Variants in SIL1 observed in about 807,000 individuals in gnomAD.
SIL1 encodes nucleotide exchange factor SIL1.
A neutral mutation model predicts 49.1 loss-of-function variants in SIL1; 40 were observed. The observed-to-expected ratio is 0.81, with a 90% confidence interval of 0.63 to 1.06. The LOEUF is 1.06. SIL1 is among the 50% of genes least tolerant of loss of function. The probability of loss-of-function intolerance (pLI) is 0.00; values close to 1 mark genes in which losing one functional copy is unlikely to be tolerated. For synonymous variants in SIL1, 253 were observed against 250.8 expected (o/e 1.01, Z -0.08); for missense variants, 500 against 572.6 (o/e 0.87, Z 1.29).
intron 1 of SIL1, among the ~76,000 whole-genome samples, chr5:139,136,201 A>G (rs1316563227): frequency 6.6e-6 from 1 of 152,232 alleles, no homozygotes; most frequent in African/African-American, 2.4e-5. Context: ...TTAAGGCTCA[A>G]TCTTTATTTG....
chr5:139,182,014 G>T (rs766988257), intron 1 of SIL1, among the ~76,000 whole-genome samples: 1 of 152,138 alleles, frequency 6.6e-6, no homozygotes, highest in Admixed American at 6.6e-5. Context: ...AGAGAAGGGG[G>T]TGGAAGGTTA....
intron 7 of SIL1, among the ~76,000 whole-genome samples, chr5:138,987,217 C>T (rs1281636508): frequency 6.6e-6 from 1 of 151,396 alleles, no homozygotes; most frequent in Middle Eastern, 3.4e-3. Flanking sequence ...TTAAGTGATC[C>T]TCCCACCTCA....
chr5:139,123,041 C>A (rs1750678437), intron 2 of SIL1, among the ~76,000 whole-genome samples: 1 of 152,132 alleles, frequency 6.6e-6, no homozygotes, highest in Admixed American at 6.5e-5. Flanking sequence ...ACATTGTAAA[C>A]CACTGGCTTT....
chr5:139,060,253 T>C (rs901055096), intron 3 of SIL1, among the ~76,000 whole-genome samples: 1 of 152,208 alleles, frequency 6.6e-6, no homozygotes, highest in Non-Finnish European at 1.5e-5. Context: ...AAGAACAGTG[T>C]TCTGTTCTCT....
intron 7 of SIL1, among the ~76,000 whole-genome samples, chr5:139,011,272 C>T (rs557461115): frequency 0.018 from 2,809 of 152,118 alleles, 41 homozygotes; most frequent in Middle Eastern, 0.034. Flanking sequence ...AGGGAACTCC[C>T]TGACCCCTTG....
At chr5:139,196,179 G>A (rs2151825623) in intron 1 of SIL1, among the ~76,000 whole-genome samples, 1 of 152,190 alleles carries the variant, frequency 6.6e-6, no homozygotes. Flanking sequence ...CACAGTGTGA[G>A]ACCCCATCTG....
intron 7 of SIL1, among the ~76,000 whole-genome samples, chr5:138,969,850 C>T (rs567759370): frequency 6.6e-6 from 1 of 152,356 alleles, no homozygotes; most frequent in South Asian, 2.1e-4. Flanking sequence ...GGCCTTGCAG[C>T]TGGCACGAGC....
chr5:139,163,275 G>A (rs1292242648), intron 1 of SIL1, among the ~76,000 whole-genome samples: 1 of 152,148 alleles, frequency 6.6e-6, no homozygotes, highest in African/African-American at 2.4e-5. Context: ...CTGATTCCAA[G>A]ATGGAAACTG....
intron 7 of SIL1, among the ~76,000 whole-genome samples, chr5:138,982,263 G>A (rs1323829273): frequency 2.0e-5 from 3 of 152,286 alleles, no homozygotes; most frequent in African/African-American, 7.2e-5. Flanking sequence ...TGTTTGCCAT[G>A]GGCAACAAAC....
intron 6 of SIL1, among the ~76,000 whole-genome samples, chr5:139,026,475 C>T (rs1768652192): frequency 6.6e-6 from 1 of 152,056 alleles, no homozygotes; most frequent in African/African-American, 2.4e-5. Context: ...TGGTGGTGCA[C>T]ACCTGTAATC....
Position 139,046,992 on chromosome 5 carries a change from C to T in SIL1, c.353+3946G>A, listed in dbSNP as rs369302693. On this transcript the variant is annotated intron_variant, in intron 4 of 9. Transcript: ENST00000394817. ...CTTGTGGAGGCTGTTTTGTTTATTA[C>T]TGTATCCCAATGCCTGGCACGTGGG... is the stretch of plus-strand genomic sequence containing the variant. Among the ~76,000 whole-genome samples the T allele has an allele frequency of 2.6e-4, 40 of 152,308 alleles. No homozygotes were observed. The South Asian group carries it at 4.8e-3, about 18-fold the overall frequency.
chr5:139,080,744 C>A (rs1355028656), intron 3 of SIL1, among the ~76,000 whole-genome samples: 1 of 152,198 alleles, frequency 6.6e-6, no homozygotes, highest in East Asian at 1.9e-4. Flanking sequence ...TCTCAGCAGA[C>A]AACTGACTGC....
chr5:138,961,952 CTTTTTT>C (rs10593901), intron 7 of SIL1, among the ~76,000 whole-genome samples: 4 of 119,750 alleles, frequency 3.3e-5, no homozygotes, highest in African/African-American at 9.3e-5. Context: ...GTTCTCTAGA[CTTTTTT>C]TTTTTTTTTT....
intron 1 of SIL1, among the ~76,000 whole-genome samples, chr5:139,169,760 C>T (rs1387008755): frequency 3.3e-5 from 5 of 151,522 alleles, no homozygotes; most frequent in African/African-American, 9.7e-5. Flanking sequence ...GGATTACAGG[C>T]GTGAGCCACC....
intron 1 of SIL1, among the ~76,000 whole-genome samples, chr5:139,165,658 TTTA>T (rs776145155): frequency 6.6e-6 from 1 of 151,244 alleles, no homozygotes; most frequent in Admixed American, 6.6e-5. Context: ...TTTTATTATT[TTTA>T]TTATTATTAT....
intron 1 of SIL1, among the ~76,000 whole-genome samples, chr5:139,174,937 C>CAAAAAAAAAAAAAAAAAAAAAAA (rs56959325): frequency 5.0e-5 from 3 of 59,848 alleles, no homozygotes; most frequent in Non-Finnish European, 8.7e-5. Flanking sequence ...GACTGTGTCT[C>CAAAAAAAAAAAAAAAAAAAAAAA]AAAAAAAAAA....
chr5:139,167,214 C>T (rs1442634442), intron 1 of SIL1, among the ~76,000 whole-genome samples: 1 of 152,198 alleles, frequency 6.6e-6, no homozygotes, highest in Admixed American at 6.5e-5. Context: ...CCCGCCTCAG[C>T]CTCCCAAAGT....
At chr5:138,988,701 C>T (rs1767694840) in intron 7 of SIL1, among the ~76,000 whole-genome samples, 1 of 151,982 alleles carries the variant, frequency 6.6e-6, no homozygotes, top group African/African-American at 2.4e-5. Context: ...AGTGAAACCC[C>T]ATCTCTACAA....
At chr5:139,016,535 C>T (rs569716700) in intron 7 of SIL1, among the ~76,000 whole-genome samples, 1 of 152,012 alleles carries the variant, frequency 6.6e-6, no homozygotes, top group African/African-American at 2.4e-5. Context: ...TGAATAGCTA[C>T]AATTATTAAC....
Sources: gnomAD v4.1 joint callset for allele counts (sites outside exome capture counted in the v4.1 genomes callset) on GRCh38, gnomAD v4.1.1 for gene constraint, MANE v1.5 for transcripts, NCBI Gene and HGNC (gene_info 2026-07-23, HGNC 2026-07-21) for gene names.